Variants in ASIC2 observed in about 807,000 individuals in gnomAD.
The protein encoded by ASIC2 is acid-sensing ion channel 2.
ASIC2 carries 25 observed loss-of-function variants against 57.3 expected under a neutral mutation model. The observed-to-expected ratio is 0.44, with a 90% CI of 0.32 to 0.61. ASIC2 has a LOEUF of 0.61. ASIC2 is among the 20% of genes least tolerant of loss of function. ASIC2 has a pLI of 0.06. For missense variants in ASIC2, 641 were observed against 738.1 expected (o/e 0.87, Z 1.52); for synonymous variants, 319 against 307.5 (o/e 1.04, Z -0.39).
At chr17:33,773,157 A>G (rs1399387449) in intron 1 of ASIC2, among the ~76,000 whole-genome samples, 1 of 152,192 alleles carries the variant, frequency 6.6e-6, no homozygotes, top group East Asian at 1.9e-4. Flanking sequence ...GTGTCTAGTA[A>G]GTTTAAACTG....
At chr17:34,010,256 T>A (rs1906664077) in intron 1 of ASIC2, among the ~76,000 whole-genome samples, 1 of 152,164 alleles carries the variant, frequency 6.6e-6, no homozygotes, top group African/African-American at 2.4e-5. Context: ...TATCTGGGGC[T>A]GGACCTTTGA....
chr17:34,059,084 C>T (rs1908873506), intron 1 of ASIC2, among the ~76,000 whole-genome samples: 2 of 152,154 alleles, frequency 1.3e-5, no homozygotes. Flanking sequence ...GGATCAACTG[C>T]AAGAACAAAC....
intron 1 of ASIC2, among the ~76,000 whole-genome samples, chr17:33,919,118 G>A (rs964581974): frequency 6.6e-6 from 1 of 152,146 alleles, no homozygotes; most frequent in Non-Finnish European, 1.5e-5. Flanking sequence ...TGCAGGCGAT[G>A]GAAGAGAAAG....
chr17:34,031,582 C>A (rs999528911), intron 1 of ASIC2, among the ~76,000 whole-genome samples: 1 of 151,988 alleles, frequency 6.6e-6, no homozygotes, highest in Non-Finnish European at 1.5e-5. Context: ...GGAGGAAATT[C>A]GAACCAATGG....
chr17:34,147,884 T>C (rs1477163770), intron 1 of ASIC2, among the ~76,000 whole-genome samples: 1 of 152,202 alleles, frequency 6.6e-6, no homozygotes, highest in African/African-American at 2.4e-5. Flanking sequence ...GGCTGCTCTA[T>C]GGAGCACCAC....
intron 1 of ASIC2, among the ~76,000 whole-genome samples, chr17:33,176,482 G>A (rs1030812238): frequency 6.6e-6 from 1 of 152,128 alleles, no homozygotes; most frequent in African/African-American, 2.4e-5. Context: ...GTAGCTGGGA[G>A]GCATACACCA....
chr17:33,088,863 C>T lies in ASIC2; in HGVS notation c.987G>A (p.Arg329=). The change falls in exon 3 of 10, where the codon AGG becomes AGA. Residue 329 remains arginine, a splice_region_variant and synonymous_variant. Coordinates refer to ENST00000225823, the MANE Select transcript of ASIC2 (RefSeq NM_183377.2). ...AATCCTGGGAGCCCAGGGAACTTACCCTCTGCTCCTGTGTGGCCACAAAGG... is the reference window on the plus strand; with the variant it reads ...AATCCTGGGAGCCCAGGGAACTTACTCTCTGCTCCTGTGTGGCCACAAAGG... ...FQTFVATQEQ[R]LTYLPPPWGE... The T allele has an allele frequency of 6.2e-7, 1 of 1,610,300 alleles. No individual in the cohort carries two copies. The highest frequency in any genetic ancestry group is 2.2e-5 in the East Asian group (1 of 44,692).
At chr17:34,019,796 T>C (rs1225373850) in intron 1 of ASIC2, among the ~76,000 whole-genome samples, 1 of 152,186 alleles carries the variant, frequency 6.6e-6, no homozygotes, top group Non-Finnish European at 1.5e-5. Context: ...ATGACTGTAT[T>C]TGTCATGATT....
intron 1 of ASIC2, among the ~76,000 whole-genome samples, chr17:33,597,137 C>T (rs1053937524): frequency 2.0e-5 from 3 of 152,252 alleles, no homozygotes; most frequent in African/African-American, 7.2e-5. Context: ...CTCAGAGCTT[C>T]ATTCCCATCA....
intron 1 of ASIC2, among the ~76,000 whole-genome samples, chr17:33,888,208 C>T (rs1216574173): frequency 2.0e-5 from 3 of 152,054 alleles, no homozygotes; most frequent in African/African-American, 7.2e-5. Flanking sequence ...CAGAGACAGA[C>T]CACCTAACCC....
At chr17:34,105,673 A>C (rs1911020661) in intron 1 of ASIC2, among the ~76,000 whole-genome samples, 1 of 152,030 alleles carries the variant, frequency 6.6e-6, no homozygotes, top group African/African-American at 2.4e-5. Context: ...TTATTAAAAA[A>C]ATAAAAAGGA....
At chr17:34,071,975 C>T (rs1909425128) in intron 1 of ASIC2, 1 of 152,256 alleles carries the variant, frequency 6.6e-6, no homozygotes, top group African/African-American at 2.4e-5. Context: ...AGGCTGACAA[C>T]AGGTGGCGAG....
intron 1 of ASIC2, among the ~76,000 whole-genome samples, chr17:33,548,278 C>A (rs1915641774): frequency 6.6e-6 from 1 of 152,178 alleles, no homozygotes; most frequent in Non-Finnish European, 1.5e-5. Context: ...CACAGGAAGA[C>A]AACCTATGAC....
chr17:34,076,010 A>T (rs2079155), intron 1 of ASIC2, among the ~76,000 whole-genome samples: 24,804 of 142,372 alleles, frequency 0.17, 2,782 homozygotes, highest in African/African-American at 0.32. Flanking sequence ...TTTTATTTTT[A>T]TTTTTTTTTT....
chr17:34,139,760 A>T (rs531404880), intron 1 of ASIC2, among the ~76,000 whole-genome samples: 1 of 151,778 alleles, frequency 6.6e-6, no homozygotes, highest in Non-Finnish European at 1.5e-5. Context: ...AGGGGGGGGG[A>T]TTGATGGAAA....
At chr17:33,124,927 C>T (rs1464650521) in intron 1 of ASIC2, among the ~76,000 whole-genome samples, 1 of 152,174 alleles carries the variant, frequency 6.6e-6, no homozygotes, top group Non-Finnish European at 1.5e-5. Flanking sequence ...AAGGGGGGCA[C>T]AACCTAGATC....
chr17:33,473,163 T>C (rs1913109869), intron 1 of ASIC2, among the ~76,000 whole-genome samples: 2 of 152,254 alleles, frequency 1.3e-5, no homozygotes, highest in South Asian at 4.1e-4. Flanking sequence ...AGGAAGGATC[T>C]GATTCTAGCC....
chr17:33,647,510 C>T (rs1369948589), intron 1 of ASIC2, among the ~76,000 whole-genome samples: 1 of 152,154 alleles, frequency 6.6e-6, no homozygotes, highest in Non-Finnish European at 1.5e-5. Flanking sequence ...CCTGCTGTAG[C>T]TTGCAGTAGG....
At chr17:33,985,937 C>A (rs1001048175) in intron 1 of ASIC2, among the ~76,000 whole-genome samples, 13 of 152,324 alleles carry the variant, frequency 8.5e-5, no homozygotes. Flanking sequence ...CTGAAACATT[C>A]TCTGACAGCT....
Sources: gnomAD v4.1 joint callset for allele counts (sites outside exome capture counted in the v4.1 genomes callset) on GRCh38, gnomAD v4.1.1 for gene constraint, MANE v1.5 for transcripts, NCBI Gene and HGNC (gene_info 2026-07-23, HGNC 2026-07-21) for gene names.